Variants in LAMA2 observed in about 807,000 individuals in gnomAD.
LAMA2 encodes the protein laminin subunit alpha-2.
Under a neutral mutation model 364.8 loss-of-function variants are expected in LAMA2, and 269 were observed. The ratio of observed to expected loss-of-function variants is 0.74; its 90% CI spans 0.67 to 0.82. The LOEUF (loss-of-function observed/expected upper bound fraction) is 0.82. LAMA2 is among the 40% of genes least tolerant of loss of function. The pLI, the probability that LAMA2 is intolerant of heterozygous loss-of-function variation, is 0.00. For synonymous variants in LAMA2, 1,379 were observed against 1,370.6 expected, an observed-to-expected ratio of 1.01 and a Z score of -0.14; for missense variants, 3,807 against 3,873.2, an observed-to-expected ratio of 0.98 and a Z score of 0.45.
chr6:129,043,947 C>A (rs2114760233), intron 1 of LAMA2, among the ~76,000 whole-genome samples: 1 of 151,490 alleles, frequency 6.6e-6, no homozygotes, highest in Non-Finnish European at 1.5e-5. Context: ...GCAATTTGGA[C>A]AGAGTTTATG....
chr6:129,482,197 A>G (rs898424098), intron 55 of LAMA2, among the ~76,000 whole-genome samples: 1 of 152,148 alleles, frequency 6.6e-6, no homozygotes, highest in African/African-American at 2.4e-5. Flanking sequence ...GATTCCAGCT[A>G]TTCAGGACTG....
chr6:129,322,776 A>C (rs1279744441), intron 28 of LAMA2, among the ~76,000 whole-genome samples: 1 of 152,266 alleles, frequency 6.6e-6, no homozygotes, highest in African/African-American at 2.4e-5. Flanking sequence ...CATGCAACCA[A>C]CCTTCCATTC....
intron 33 of LAMA2, among the ~76,000 whole-genome samples, chr6:129,369,008 G>C (rs185785442): frequency 6.6e-6 from 1 of 152,288 alleles, no homozygotes; most frequent in East Asian, 1.9e-4. Flanking sequence ...GAAGGTGTTA[G>C]GAATAACTTC....
chr6:129,431,823 C>T (rs576884719), intron 41 of LAMA2, among the ~76,000 whole-genome samples: 137 of 152,302 alleles, frequency 9.0e-4, no homozygotes, highest in African/African-American at 3.0e-3. Context: ...CCTCCAAACA[C>T]TCAGTCATTC....
chr6:129,370,686 G>A (rs897454726), intron 34 of LAMA2, among the ~76,000 whole-genome samples: 1 of 152,218 alleles, frequency 6.6e-6, no homozygotes, highest in African/African-American at 2.4e-5. Context: ...AAATGATAAA[G>A]AGTATTGGAG....
rs747783456 is a variant in LAMA2, at chr6:129,473,205, C to A, written c.7301-9C>A. The A allele has an allele frequency of 1.3e-6, 2 of 1,578,014 alleles. No homozygotes were observed. The highest frequency in any genetic ancestry group is 8.7e-7 in the Non-Finnish European group (1 of 1,148,452). On this transcript the variant is annotated splice_polypyrimidine_tract_variant and intron_variant, in intron 51 of 64. Transcript: ENST00000421865. Reference sequence around the variant, plus strand: ...AAATAAAATGTTAAACTTTCTTTCTCCTTTACAGCCAATATATCAATTGTA... The same window carrying A: ...AAATAAAATGTTAAACTTTCTTTCTACTTTACAGCCAATATATCAATTGTA...
At chr6:129,278,248 A>C (rs924852586) in intron 17 of LAMA2, among the ~76,000 whole-genome samples, 6 of 152,208 alleles carry the variant, frequency 3.9e-5, no homozygotes, top group African/African-American at 1.4e-4. Flanking sequence ...AAGCCTTGTC[A>C]ACCACCATTG....
rs17741197 is a variant in LAMA2, at chr6:129,266,908, A to G, written c.2209-198A>G. Among the ~76,000 whole-genome samples, 578 of 152,248 alleles carry G rather than the reference A, an allele frequency of 3.8e-3. 4 individuals are homozygous for G. The highest frequency in any genetic ancestry group is 0.027 in the South Asian group (130 of 4,822). On this transcript the variant is annotated intron_variant, in intron 15 of 64. Transcript: ENST00000421865. Reference sequence around the variant, plus strand: ...TCCTCTAATCTCATACCTGCCAATAACACTAAGGTCAGTGCAAAGCCCCAG... The same window carrying G: ...TCCTCTAATCTCATACCTGCCAATAGCACTAAGGTCAGTGCAAAGCCCCAG...
Position 129,235,173 on chromosome 6 carries a change from C to A in LAMA2, c.1783-14939C>A, listed in dbSNP as rs545556024. 3.3e-5 allele frequency among the ~76,000 whole-genome samples: 5 copies of A among 152,226 alleles called. No individual in the cohort carries two copies. In the South Asian group the frequency reaches 1.0e-3, roughly 32 times the overall value. On this transcript the variant is annotated intron_variant, in intron 12 of 64. Coordinates refer to ENST00000421865, the MANE Select transcript of LAMA2 (RefSeq NM_000426.4). Reference sequence around the variant, plus strand: ...CTTCCAGGGGCCAAGGGGCTTAGAACCAACTGAACTGGTACAAAATAAACA... The same window carrying A: ...CTTCCAGGGGCCAAGGGGCTTAGAAACAACTGAACTGGTACAAAATAAACA...
chr6:129,314,603 T>A (rs1774457500), intron 23 of LAMA2, 52 bp from the exon 24 acceptor site: 1 of 1,581,768 alleles, frequency 6.3e-7, no homozygotes, highest in Admixed American at 1.7e-5. Context: ...CAGGGTGATT[T>A]CTCCCCTAAC....
At chr6:129,106,170 A>G (rs1370768112) in intron 4 of LAMA2, among the ~76,000 whole-genome samples, 1 of 148,736 alleles carries the variant, frequency 6.7e-6, no homozygotes, top group South Asian at 2.1e-4. Context: ...TTTTTTTTGT[A>G]AACTGTATGT....
At chr6:129,102,508 A>G (rs1026230604) in intron 4 of LAMA2, among the ~76,000 whole-genome samples, 1 of 152,084 alleles carries the variant, frequency 6.6e-6, no homozygotes, top group Non-Finnish European at 1.5e-5. Context: ...TTTTAATTTA[A>G]TAATATGATT....
At chr6:129,132,092 A>G (rs1035231864) in intron 4 of LAMA2, among the ~76,000 whole-genome samples, 1 of 152,038 alleles carries the variant, frequency 6.6e-6, no homozygotes, top group Non-Finnish European at 1.5e-5. Context: ...ACTATAGGCC[A>G]TCCCCAGAGC....
At chr6:129,323,596 T>G (rs1375381729) in intron 28 of LAMA2, among the ~76,000 whole-genome samples, 2 of 152,182 alleles carry the variant, frequency 1.3e-5, no homozygotes, top group African/African-American at 2.4e-5. Flanking sequence ...TTCTTGGTGT[T>G]GGAGCCATTG....
intron 35 of LAMA2, 90 bp downstream of exon 35, chr6:129,383,323 A>C (rs1054679807): frequency 1.0e-6 from 1 of 995,330 alleles, no homozygotes; most frequent in African/African-American, 1.6e-5. Flanking sequence ...CTCTTGTTAT[A>C]AGTGACATCT....
At chr6:129,058,140 C>G (rs1788615495) in intron 2 of LAMA2, among the ~76,000 whole-genome samples, 1 of 152,184 alleles carries the variant, frequency 6.6e-6, no homozygotes, top group African/African-American at 2.4e-5. Context: ...GCCTCCACTC[C>G]TGCCATCCTC....
At chr6:129,427,394 A>G (rs1781373857) in intron 40 of LAMA2, among the ~76,000 whole-genome samples, 1 of 152,142 alleles carries the variant, frequency 6.6e-6, no homozygotes, top group African/African-American at 2.4e-5. Context: ...ATGTCCTTAC[A>G]ACACCGCCAG....
At chr6:129,373,727 C>T (rs1049116956) in intron 34 of LAMA2, among the ~76,000 whole-genome samples, 2 of 152,052 alleles carry the variant, frequency 1.3e-5, no homozygotes, top group African/African-American at 4.8e-5. Flanking sequence ...GGTAAGCTGT[C>T]CCTCAATTGG....
chr6:129,145,294 A>C (rs1456870564), intron 5 of LAMA2, among the ~76,000 whole-genome samples: 1 of 152,002 alleles, frequency 6.6e-6, no homozygotes, highest in Admixed American at 6.6e-5. Context: ...TCACAAGATA[A>C]CTTTTAAGGC....
Sources: gnomAD v4.1 joint callset for allele counts (sites outside exome capture counted in the v4.1 genomes callset) on GRCh38, gnomAD v4.1.1 for gene constraint, MANE v1.5 for transcripts, NCBI Gene and HGNC (gene_info 2026-07-23, HGNC 2026-07-21) for gene names.